Variants in RGL1 observed in about 807,000 individuals in gnomAD.
RGL1 encodes the protein ral guanine nucleotide dissociation stimulator-like 1.
In RGL1, 24 loss-of-function variants were observed where a neutral mutation model predicts 95.2. The observed-to-expected ratio is 0.25, with a 90% CI of 0.18 to 0.35. RGL1 has a LOEUF of 0.35. RGL1 is among the 10% of genes least tolerant of loss of function. The probability of loss-of-function intolerance (pLI) is 1.00; values close to 1 mark genes in which losing one functional copy is unlikely to be tolerated. For missense variants in RGL1, 715 were observed against 936.3 expected, an observed-to-expected ratio of 0.76 and a Z score of 3.08; for synonymous variants, 329 against 344.9, an observed-to-expected ratio of 0.95 and a Z score of 0.51.
chr1:183,710,889 A>G (rs1048364941), intron 1 of RGL1, among the ~76,000 whole-genome samples: 6 of 152,196 alleles, frequency 3.9e-5, no homozygotes, highest in African/African-American at 1.4e-4. Context: ...ACTAGAAGGA[A>G]AAGGGCAAAA....
intron 2 of RGL1, among the ~76,000 whole-genome samples, chr1:183,837,593 A>AC (rs140767525): frequency 0.27 from 23,936 of 88,268 alleles, 2,261 homozygotes; most frequent in East Asian, 0.39. Flanking sequence ...TCAAAATTGC[A>AC]TTGATGTATT....
intron 1 of RGL1, among the ~76,000 whole-genome samples, chr1:183,696,157 A>G (rs1654239728): frequency 6.6e-6 from 1 of 152,166 alleles, no homozygotes; most frequent in Non-Finnish European, 1.5e-5. Context: ...ATAAATTCTC[A>G]GTTCTCACTT....
intron 12 of RGL1, 66 bp from the exon 13 acceptor site, chr1:183,904,784 T>G: frequency 6.7e-7 from 1 of 1,491,844 alleles, no homozygotes; most frequent in Non-Finnish European, 9.0e-7. Context: ...GTTGAAAGAT[T>G]CTATATTTGG....
intron 1 of RGL1, among the ~76,000 whole-genome samples, chr1:183,702,864 G>C (rs1322613307): frequency 6.6e-6 from 1 of 152,226 alleles, no homozygotes; most frequent in Non-Finnish European, 1.5e-5. Context: ...ATGTGTGCCT[G>C]GGTGCAGACG....
chr1:183,702,759 T>C (rs1654676895), intron 1 of RGL1, among the ~76,000 whole-genome samples: 1 of 152,172 alleles, frequency 6.6e-6, no homozygotes, highest in African/African-American at 2.4e-5. Context: ...AACACACAGA[T>C]GAATTGTCAG....
intron 2 of RGL1, among the ~76,000 whole-genome samples, chr1:183,755,236 C>T (rs1422719172): frequency 6.6e-6 from 1 of 150,552 alleles, no homozygotes; most frequent in Non-Finnish European, 1.5e-5. Context: ...AATTTTTTGG[C>T]CATATTTAGT....
At chr1:183,827,572 G>A (rs983293908) in intron 2 of RGL1, among the ~76,000 whole-genome samples, 13 of 152,360 alleles carry the variant, frequency 8.5e-5, no homozygotes, top group South Asian at 2.1e-4. Flanking sequence ...AATTGCATAA[G>A]TAGATTTGAA....
chr1:183,786,407 A>G (rs1306487743), intron 2 of RGL1, among the ~76,000 whole-genome samples: 4 of 152,160 alleles, frequency 2.6e-5, no homozygotes, highest in Admixed American at 1.3e-4. Context: ...CTAAACAAAC[A>G]AACAACACAC....
chr1:183,806,098 A>G (rs973260835), intron 1 of RGL1, among the ~76,000 whole-genome samples: 4 of 150,294 alleles, frequency 2.7e-5, no homozygotes, highest in African/African-American at 7.3e-5. Context: ...AAAGACTTCA[A>G]AACAAAACTA....
intron 2 of RGL1, among the ~76,000 whole-genome samples, chr1:183,748,890 T>G (rs1657822860): frequency 6.6e-6 from 1 of 152,206 alleles, no homozygotes; most frequent in South Asian, 2.1e-4. Context: ...CAGTAATCAT[T>G]CAGAAGCAAG....
intron 2 of RGL1, among the ~76,000 whole-genome samples, chr1:183,785,590 C>G (rs1264798289): frequency 6.6e-6 from 1 of 152,072 alleles, no homozygotes; most frequent in African/African-American, 2.4e-5. Context: ...TGTCCAGCAC[C>G]CAGCACAGTA....
intron 2 of RGL1, among the ~76,000 whole-genome samples, chr1:183,787,263 T>C (rs1660222608): frequency 6.6e-6 from 1 of 152,326 alleles, no homozygotes. Flanking sequence ...CACTCCTGCA[T>C]TGCTTCACTA....
At chr1:183,906,922 C>G (rs568049968) in intron 13 of RGL1, 90 bp from the exon 14 acceptor site, 1 of 777,358 alleles carries the variant, frequency 1.3e-6, no homozygotes, top group South Asian at 1.5e-5. Flanking sequence ...TTAGAGCCTT[C>G]TCTAAAACAA....
At chr1:183,651,437 C>T (rs79082707) in intron 1 of RGL1, among the ~76,000 whole-genome samples, 1 of 152,120 alleles carries the variant, frequency 6.6e-6, no homozygotes, top group Admixed American at 6.5e-5. Flanking sequence ...CCTCAGCCCA[C>T]ATCAGCTCAT....
chr1:183,892,815 A>G (rs1407561939), intron 9 of RGL1, among the ~76,000 whole-genome samples: 3 of 152,232 alleles, frequency 2.0e-5, no homozygotes, highest in African/African-American at 7.2e-5. Flanking sequence ...ATAGTCAAAT[A>G]AAGACAACTA....
chr1:183,902,267 A>AT (rs1668071896), intron 11 of RGL1, among the ~76,000 whole-genome samples: 1 of 152,216 alleles, frequency 6.6e-6, no homozygotes, highest in Non-Finnish European at 1.5e-5. Flanking sequence ...TATTTACTCA[A>AT]GCTTTTATCT....
chr1:183,858,730 C>A (rs925043998), intron 3 of RGL1, among the ~76,000 whole-genome samples: 1 of 152,086 alleles, frequency 6.6e-6, no homozygotes. Flanking sequence ...ATAATGCTGT[C>A]AGGCCCCTAG....
intron 4 of RGL1, among the ~76,000 whole-genome samples, chr1:183,872,723 C>T (rs1273420540): frequency 6.6e-6 from 1 of 152,154 alleles, no homozygotes; most frequent in Non-Finnish European, 1.5e-5. Flanking sequence ...TCAGAAACTT[C>T]ACAGTGGAAA....
chr1:183,842,731 C>T (rs1300571523), intron 2 of RGL1, among the ~76,000 whole-genome samples: 1 of 152,206 alleles, frequency 6.6e-6, no homozygotes, highest in Non-Finnish European at 1.5e-5. Context: ...CAGGCTCAGG[C>T]CTCCGTGTCT....
Sources: gnomAD v4.1 joint callset for allele counts (sites outside exome capture counted in the v4.1 genomes callset) on GRCh38, gnomAD v4.1.1 for gene constraint, MANE v1.5 for transcripts, NCBI Gene and HGNC (gene_info 2026-07-23, HGNC 2026-07-21) for gene names.